The following USP4 variants were observed in gnomAD, a reference collection of about 807,000 sequenced individuals.
The protein encoded by USP4 is ubiquitin carboxyl-terminal hydrolase 4.
USP4 carries 72 observed loss-of-function variants against 118.2 expected under a neutral mutation model. The ratio of observed to expected loss-of-function variants is 0.61; its 90% confidence interval spans 0.50 to 0.74. USP4 has a LOEUF of 0.74. Ranked by LOEUF, USP4 falls within the 30% of genes least tolerant of loss-of-function variation. USP4 has a pLI of 0.00. For missense variants in USP4, 1,037 were observed against 1,185.7 expected (o/e 0.87, Z 1.84); for synonymous variants, 415 against 440.4 (o/e 0.94, Z 0.72).
intron 6 of USP4, chr3:49,314,087 A>G (rs2047412253): frequency 6.6e-6 from 1 of 152,228 alleles, no homozygotes; most frequent in Non-Finnish European, 1.5e-5. Flanking sequence ...TATTTTTAGA[A>G]TACAGAAAAT....
Position 49,277,559 on chromosome 3 carries a change from GT to G in USP4, c.*733del, listed in dbSNP as rs1559461368. 2 of 185,288 alleles carry G rather than the reference GT, an allele frequency of 1.1e-5. No individual in the cohort carries two copies. Among genetic ancestry groups the G allele is most frequent in the Non-Finnish European group, 2.3e-5 (2 of 86,420 alleles). 11.5% of individuals were successfully genotyped at this position (185,288 alleles called of 1,614,324 possible). On this transcript the variant is annotated 3_prime_UTR_variant, in exon 22 of 22. Transcript: ENST00000265560. ...ACTAGACGGGACACAGCACCGGGCA[GT>G]TTTATGTACTGACTTCCTTTAAGCG... is the stretch of plus-strand genomic sequence containing the variant.
intron 20 of USP4, chr3:49,279,116 G>A (rs572236930): frequency 9.0e-5 from 30 of 332,262 alleles, no homozygotes; most frequent in African/African-American, 5.2e-4. Flanking sequence ...AAATGGAGCT[G>A]TCAGGGACCA....
intron 1 of USP4, among the ~76,000 whole-genome samples, chr3:49,338,557 G>A (rs1325385469): frequency 6.6e-6 from 1 of 151,506 alleles, no homozygotes; most frequent in Non-Finnish European, 1.5e-5. Context: ...AGCTACTGGG[G>A]AGGCTGAGGC....
intron 2 of USP4, among the ~76,000 whole-genome samples, chr3:49,331,956 A>C (rs999874085): frequency 6.7e-6 from 1 of 149,266 alleles, no homozygotes; most frequent in African/African-American, 2.5e-5. Context: ...AACACGGCAA[A>C]ATCCCATCTC....
At chr3:49,303,149 A>G (rs1013668536) in intron 9 of USP4, among the ~76,000 whole-genome samples, 1 of 152,090 alleles carries the variant, frequency 6.6e-6, no homozygotes, top group African/African-American at 2.4e-5. Flanking sequence ...GATGCATCCT[A>G]TGGAGAACCA....
At chr3:49,311,924 G>A (rs2047386875) in intron 6 of USP4, 2 of 1,143,568 alleles carry the variant, frequency 1.7e-6, no homozygotes, top group Admixed American at 4.3e-5. Context: ...GCTCGTGCCT[G>A]TAATCCTAGT....
Position 49,277,901 on chromosome 3 carries a change from C to A in USP4, c.*392G>T. On this transcript the variant is annotated 3_prime_UTR_variant, in exon 22 of 22. Coordinates refer to ENST00000265560, the MANE Select transcript of USP4 (RefSeq NM_003363.4). The stretch of plus-strand genomic sequence containing the variant: ...GACTACTTGGGGTGACTAGTATTGG[C>A]ATCAGAACCAGAAATCCAGGCGCTC... The A allele has an allele frequency of 2.6e-6, 1 of 384,472 alleles. No individual in the cohort carries two copies. The highest frequency in any genetic ancestry group is 2.1e-5 in the African/African-American group (1 of 48,410). 23.8% of individuals were successfully genotyped at this position (384,472 alleles called of 1,614,324 possible).
Position 49,335,612 on chromosome 3 carries a change from A to ATTT in USP4, c.102-17_102-16insAAA. Reference sequence around the variant, plus strand: ...AATAAGATACCTAGAGAGAGACAGAAATTTACTGTAGCAGAAAAGCTGAGA... The same window carrying ATTT: ...AATAAGATACCTAGAGAGAGACAGAATTTATTTACTGTAGCAGAAAAGCTGAGA... On this transcript the variant is annotated splice_polypyrimidine_tract_variant and intron_variant, in intron 1 of 21. Transcript: ENST00000265560. 6.2e-7 allele frequency: 1 copy of ATTT among 1,612,858 alleles called. No homozygotes were observed. The highest frequency in any genetic ancestry group is 8.5e-7 in the Non-Finnish European group (1 of 1,179,594).
At chr3:49,317,481 A>ATTTT in intron 6 of USP4, 1 of 455,364 alleles carries the variant, frequency 2.2e-6, no homozygotes, top group Non-Finnish European at 3.9e-6. Context: ...GGGGCCCCCT[A>ATTTT]TTTTTTTTTT....
intron 2 of USP4, among the ~76,000 whole-genome samples, chr3:49,333,809 C>T (rs1275532109): frequency 4.6e-5 from 7 of 152,118 alleles, no homozygotes; most frequent in Admixed American, 2.6e-4. Flanking sequence ...AGGCTGAGGT[C>T]GGGAGTTCAA....
intron 8 of USP4, 79 bp downstream of exon 8, chr3:49,310,541 T>A: frequency 8.2e-7 from 1 of 1,218,244 alleles, no homozygotes; most frequent in African/African-American, 1.5e-5. Flanking sequence ...TGGGAGAGGA[T>A]CCACCCAGTA....
chr3:49,296,510 G>T (rs1033852636), intron 13 of USP4, among the ~76,000 whole-genome samples: 3 of 151,884 alleles, frequency 2.0e-5, no homozygotes, highest in African/African-American at 7.3e-5. Context: ...TGAGCCAGGC[G>T]TGGTGGCGGG....
Position 49,284,029 on chromosome 3 carries a change from T to C in USP4, c.2498A>G (p.Tyr833Cys). ...VHLKRFSYNR[Y>C]WRDKLDTVVE... ...GACTGTGTCGAGCTTATCCCTCCAG[T>C]ATCTGTTGTAGGAGAAACGTTTGAG... Residue 833 changes from tyrosine (Y) to cysteine (C), a missense_variant, in exon 19 of 22, where the codon TAC (tyrosine) becomes TGC (cysteine). Around this residue, in one of 3 missense-constraint regions of USP4, gnomAD observed 522 missense variants for 592.6 expected, o/e 0.88. Coordinates refer to ENST00000265560, the MANE Select transcript of USP4 (RefSeq NM_003363.4). 1 of 1,614,244 alleles carries C rather than the reference T, an allele frequency of 6.2e-7. No individual in the cohort carries two copies.
In USP4 at chr3:49,339,906, A is replaced by T; in HGVS notation, c.101+18T>A. On this transcript the variant is annotated intron_variant, in intron 1 of 21. Coordinates refer to ENST00000265560, the MANE Select transcript of USP4 (RefSeq NM_003363.4). ...GGCCCCTGGTTCTGCATAGAGGAAGAGCGAGCCGGGAGCTCACCACTGCGC... is the reference window on the plus strand; with the variant it reads ...GGCCCCTGGTTCTGCATAGAGGAAGTGCGAGCCGGGAGCTCACCACTGCGC... 3 of 1,608,324 alleles carry T rather than the reference A, an allele frequency of 1.9e-6. No homozygotes were observed. The highest frequency in any genetic ancestry group is 2.5e-6 in the Non-Finnish European group (3 of 1,176,500).
At position 49,277,168 on chromosome 3, in the gene USP4, C is replaced by T. The variant is rs1559461061; in HGVS notation, c.*1125G>A. ...CACCCCCCCTTTGGCGAGTCGGCAG[C>T]CACGTCCTTGTCCTCACCCGCAGCG... On this transcript the variant is annotated 3_prime_UTR_variant, in exon 22 of 22. Coordinates refer to ENST00000265560, the MANE Select transcript of USP4 (RefSeq NM_003363.4). The T allele has an allele frequency of 2.1e-6, 3 of 1,401,550 alleles. No homozygotes were observed. The highest frequency in any genetic ancestry group is 2.8e-6 in the Non-Finnish European group (3 of 1,061,108). 86.8% of individuals were successfully genotyped at this position (1,401,550 alleles called of 1,614,324 possible).
intron 15 of USP4, among the ~76,000 whole-genome samples, chr3:49,292,289 A>G (rs78303526): frequency 1.0e-4 from 14 of 138,450 alleles, no homozygotes; most frequent in African/African-American, 2.4e-4. Context: ...CCCTATCTGG[A>G]AAAAAAAAAA....
intron 15 of USP4, among the ~76,000 whole-genome samples, chr3:49,288,163 C>T (rs148939750): frequency 1.6e-3 from 242 of 152,294 alleles, no homozygotes; most frequent in Non-Finnish European, 2.2e-3. Flanking sequence ...TCCCTTTACA[C>T]ACAATAAGCC....
chr3:49,334,932 A>G (rs2047653921), intron 2 of USP4, among the ~76,000 whole-genome samples: 1 of 152,204 alleles, frequency 6.6e-6, no homozygotes, highest in African/African-American at 2.4e-5. Context: ...GTGCATGTAC[A>G]AGTGCAAGCA....
At chr3:49,296,907 G>A (rs1038423585) in intron 13 of USP4, among the ~76,000 whole-genome samples, 1 of 152,178 alleles carries the variant, frequency 6.6e-6, no homozygotes, top group Non-Finnish European at 1.5e-5. Context: ...ATGTGAAAGT[G>A]GACTTTCCCA....
Sources: allele counts gnomAD v4.1 joint callset (sites outside exome capture counted in the v4.1 genomes callset), GRCh38; gene constraint gnomAD v4.1.1; regional missense constraint gnomAD v4.1.1; transcripts MANE v1.5; gene names NCBI Gene and HGNC (gene_info 2026-07-23, HGNC 2026-07-21).